Variants in KLHDC8A observed in about 807,000 individuals in gnomAD.
KLHDC8A encodes the protein kelch domain-containing protein 8A.
KLHDC8A carries 21 observed loss-of-function variants against 33.1 expected under a neutral mutation model. The ratio of observed to expected loss-of-function variants is 0.64; its 90% CI spans 0.45 to 0.91. KLHDC8A has a LOEUF of 0.91. Ranked by LOEUF, KLHDC8A falls within the 40% of genes least tolerant of loss-of-function variation. KLHDC8A has a pLI of 0.00. For synonymous variants in KLHDC8A, 173 were observed against 193.5 expected (o/e 0.89, Z 0.88); for missense variants, 435 against 483.3 (o/e 0.90, Z 0.94).
Position 205,339,808 on chromosome 1 carries a change from T to C in KLHDC8A, c.377A>G (p.Asp126Gly), listed in dbSNP as rs1326243379. Residue 126 changes from aspartate to glycine, a missense_variant and splice_region_variant, in exon 3 of 6, where the codon GAT becomes GGT. Asp to Gly is a moderately conservative substitution (Grantham distance 94, BLOSUM62 -1). Coordinates refer to ENST00000367155, the MANE Select transcript of KLHDC8A (RefSeq NM_018203.3). This position sits in a 1 kb window ranked among gnomAD's most constrained non-coding sequence, Gnocchi z 5.1. ...AAMGISVTAK[D>G]YRVYAAGGMG... The stretch of plus-strand genomic sequence containing the variant: ...CCCGCCTGCCGCATATACTCGGTAA[T>C]CTAAGAAGAAAGGCCATACATGCCC... The C allele has an allele frequency of 1.2e-6, 2 of 1,613,500 alleles. No homozygotes were observed. Among genetic ancestry groups the C allele is most frequent in the Non-Finnish European group, 1.7e-6 (2 of 1,179,704 alleles).
At chr1:205,338,647 C>T (rs778829177) in intron 4 of KLHDC8A, 51 bp from the exon 5 acceptor site, 3 of 1,445,598 alleles carry the variant, frequency 2.1e-6, no homozygotes, top group South Asian at 1.1e-5. Context: ...AGATACAGAC[C>T]ACTCCCACCA....
Position 205,343,593 on chromosome 1 carries a change from A to G in KLHDC8A, c.12T>C (p.Pro4=). The G allele has an allele frequency of 6.2e-7, 1 of 1,600,708 alleles. No homozygotes were observed. Among genetic ancestry groups the G allele is most frequent in the Non-Finnish European group, 8.5e-7 (1 of 1,171,496 alleles). ...GCTTCCACTGGAAGTCCTTGACGTT[A>G]GGCACCTCCATGGCAGCCTTGGGGA... MEV[P]NVKDFQWKRL... is the part of the protein sequence containing the mutation. Residue 4 remains proline (P), a synonymous_variant, in exon 2 of 6, where the codon CCT becomes CCC. Transcript: ENST00000367155.
rs750266824 is a variant in KLHDC8A at position 205,339,317 on chromosome 1, G to T, written c.634C>A (p.Arg212=). The part of the protein sequence containing the change: ...WTKFPNIPYK[R]AFSSFVTLDN... ...AGGGTCACAAAGCTGGAGAAGGCCCGCTTATAGGGAATGTTGGGAAACTTG... is the reference window on the plus strand; with the variant it reads ...AGGGTCACAAAGCTGGAGAAGGCCCTCTTATAGGGAATGTTGGGAAACTTG... Residue 212 remains arginine, a synonymous_variant, in exon 4 of 6, where the codon CGG becomes AGG. Transcript: ENST00000367155. This position sits in a 1 kb window ranked among gnomAD's most constrained non-coding sequence, Gnocchi z 5.1. 6.2e-7 allele frequency: 1 copy of T among 1,614,196 alleles called. No individual in the cohort carries two copies. The highest frequency in any genetic ancestry group is 8.5e-7 in the Non-Finnish European group (1 of 1,180,022).
intron 2 of KLHDC8A, among the ~76,000 whole-genome samples, chr1:205,342,820 CTGA>C (rs1441382367): frequency 2.1e-5 from 2 of 95,494 alleles, no homozygotes; most frequent in Non-Finnish European, 4.5e-5. Flanking sequence ...CATGCATGCC[CTGA>C]GGACTTAGTG....
intron 1 of KLHDC8A, among the ~76,000 whole-genome samples, chr1:205,350,650 C>A (rs1663072058): frequency 6.6e-6 from 1 of 152,176 alleles, no homozygotes. Context: ...ATCCTCCATT[C>A]TTCTTAATTA....
intron 1 of KLHDC8A, among the ~76,000 whole-genome samples, chr1:205,348,134 A>C (rs1427611822): frequency 6.6e-6 from 1 of 152,186 alleles, no homozygotes; most frequent in Non-Finnish European, 1.5e-5. Context: ...GGCATTCAGC[A>C]GGATCCTGCC....
At chr1:205,338,645 A>G in intron 4 of KLHDC8A, 49 bp from the exon 5 acceptor site, 1 of 1,443,410 alleles carries the variant, frequency 6.9e-7, no homozygotes, top group East Asian at 2.3e-5. Flanking sequence ...TAAGATACAG[A>G]CCACTCCCAC....
chr1:205,341,402 T>G (rs1210232500), intron 2 of KLHDC8A, among the ~76,000 whole-genome samples: 2 of 151,658 alleles, frequency 1.3e-5, no homozygotes, highest in South Asian at 4.1e-4. Context: ...TGGAAGACGG[T>G]GCCTGCTAAT....
At chr1:205,350,402 C>T (rs544225352) in intron 1 of KLHDC8A, among the ~76,000 whole-genome samples, 2 of 152,234 alleles carry the variant, frequency 1.3e-5, no homozygotes, top group East Asian at 1.9e-4. Flanking sequence ...CAGGTCATCC[C>T]GACATGGCTC....
At chr1:205,343,913 C>T (rs1013838039) in intron 1 of KLHDC8A, 120 bp from the exon 2 acceptor site, 1 of 362,556 alleles carries the variant, frequency 2.8e-6, no homozygotes, top group Non-Finnish European at 5.0e-6. Flanking sequence ...GGAGGGCGCC[C>T]CCCGGGGGCA....
At chr1:205,349,905 A>T (rs772037945) in intron 1 of KLHDC8A, among the ~76,000 whole-genome samples, 8 of 152,208 alleles carry the variant, frequency 5.3e-5, no homozygotes, top group Non-Finnish European at 8.8e-5. Flanking sequence ...TGGGCAAGTC[A>T]TATCCATTCT....
intron 1 of KLHDC8A, 74 bp downstream of exon 1, chr1:205,356,459 G>T: frequency 4.5e-6 from 2 of 449,246 alleles, no homozygotes; most frequent in South Asian, 3.1e-5. Flanking sequence ...AGACACCACT[G>T]CCTGTCTCCC....
chr1:205,351,478 A>C (rs1227272115), intron 1 of KLHDC8A: 1 of 780,010 alleles, frequency 1.3e-6, no homozygotes, highest in East Asian at 2.4e-5. Context: ...ATGAGTATAA[A>C]TAATGGCTGG....
chr1:205,342,704 A>C (rs2102284316), intron 2 of KLHDC8A, among the ~76,000 whole-genome samples: 1 of 152,350 alleles, frequency 6.6e-6, no homozygotes. Context: ...GTGTTTTAGC[A>C]AAAGAGCTTT....
In KLHDC8A at chr1:205,339,601, G is replaced by A; in HGVS notation, c.541+43C>T. 1 of 1,599,868 alleles carries A rather than the reference G, an allele frequency of 6.3e-7. No individual in the cohort carries two copies. The highest frequency in any genetic ancestry group is 8.6e-7 in the Non-Finnish European group (1 of 1,169,174). On this transcript the variant is annotated intron_variant, in intron 3 of 5. Transcript: ENST00000367155. This position sits in a 1 kb window ranked among gnomAD's most constrained non-coding sequence, Gnocchi z 5.1. ...CTGCTTCCTATGGGAACTGAGCCAAGGGAAGGAAGGAGGGTAGGTATAGAA... is the reference window on the plus strand; with the variant it reads ...CTGCTTCCTATGGGAACTGAGCCAAAGGAAGGAAGGAGGGTAGGTATAGAA...
At chr1:205,354,431 A>G (rs1468010414) in intron 1 of KLHDC8A, among the ~76,000 whole-genome samples, 2 of 152,244 alleles carry the variant, frequency 1.3e-5, no homozygotes, top group African/African-American at 4.8e-5. Flanking sequence ...TGTAATGAAT[A>G]TTGAGCTGTT....
intron 2 of KLHDC8A, among the ~76,000 whole-genome samples, chr1:205,341,425 T>C (rs1358891313): frequency 6.6e-6 from 1 of 152,078 alleles, no homozygotes; most frequent in Non-Finnish European, 1.5e-5. Flanking sequence ...GGAATTCACC[T>C]TGCACAAGAT....
chr1:205,339,475 G>C lies in KLHDC8A; in HGVS notation c.542-66C>G. 2 of 1,507,112 alleles carry C rather than the reference G, an allele frequency of 1.3e-6. No individual in the cohort carries two copies. The highest frequency in any genetic ancestry group is 2.3e-5 in the East Asian group (1 of 43,104). The allele number at this position is 1,507,112 out of a possible 1,614,324, so 93.4% of individuals were successfully genotyped here. On this transcript the variant is annotated intron_variant, in intron 3 of 5. Coordinates refer to ENST00000367155, the MANE Select transcript of KLHDC8A (RefSeq NM_018203.3). The surrounding 1 kb of genome is among the most constrained non-coding windows in gnomAD (Gnocchi z 5.1). ...TCCCTGAGGACAGCGACAGTGAAAA[G>C]GGTTTCCCCTTTTGACAGTTACTCA...
intron 1 of KLHDC8A, among the ~76,000 whole-genome samples, chr1:205,354,640 G>A (rs1663213425): frequency 6.6e-6 from 1 of 152,178 alleles, no homozygotes; most frequent in Non-Finnish European, 1.5e-5. Flanking sequence ...AAGTCCTCGG[G>A]TTGCCAGTTT....
Sources: gnomAD v4.1 joint callset for allele counts (sites outside exome capture counted in the v4.1 genomes callset) on GRCh38, gnomAD v4.1.1 for gene constraint, Gnocchi (gnomAD v3.1) non-coding constraint, MANE v1.5 for transcripts, NCBI Gene and HGNC (gene_info 2026-07-23, HGNC 2026-07-21) for gene names.